LRMDA: variants seen among roughly 807,000 people sequenced by gnomAD.
The protein encoded by LRMDA is leucine rich melanocyte differentiation associated, also known as leucine-rich melanocyte differentiation-associated protein.
LRMDA carries 18 observed loss-of-function variants against 29.8 expected under a neutral mutation model. The ratio of observed to expected loss-of-function variants is 0.60; its 90% CI spans 0.42 to 0.90. LRMDA has a LOEUF of 0.90. Among genes scored for constraint, LRMDA ranks in the 40% least tolerant of loss-of-function variants. The pLI is 0.00. For synonymous variants in LRMDA, 125 were observed against 109.4 expected (o/e 1.14, Z -0.89); for missense variants, 273 against 273.9 (o/e 1.00, Z 0.02).
At chr10:75,902,157 C>G (rs1845685228) in intron 2 of LRMDA, among the ~76,000 whole-genome samples, 1 of 152,214 alleles carries the variant, frequency 6.6e-6, no homozygotes, top group South Asian at 2.1e-4. Flanking sequence ...GGTCTACCCA[C>G]CAATGGCTGC....
intron 6 of LRMDA, among the ~76,000 whole-genome samples, chr10:76,454,135 G>A (rs1171445109): frequency 6.6e-6 from 1 of 152,158 alleles, no homozygotes; most frequent in Non-Finnish European, 1.5e-5. Context: ...CTCACATGTA[G>A]TATGAAGCTA....
chr10:76,155,360 T>C (rs2132170516), intron 5 of LRMDA, among the ~76,000 whole-genome samples: 1 of 145,792 alleles, frequency 6.9e-6, no homozygotes, highest in Middle Eastern at 3.5e-3. Context: ...CTGAAATCTC[T>C]GTCACTCTTC....
intron 2 of LRMDA, among the ~76,000 whole-genome samples, chr10:75,980,426 G>T (rs776451711): frequency 3.5e-4 from 54 of 152,330 alleles, no homozygotes; most frequent in Non-Finnish European, 6.5e-4. Flanking sequence ...CTTCGGATAT[G>T]CAGGGAATGG....
At chr10:76,223,066 C>G (rs938291809) in intron 5 of LRMDA, among the ~76,000 whole-genome samples, 1 of 149,632 alleles carries the variant, frequency 6.7e-6, no homozygotes, top group African/African-American at 2.5e-5. Context: ...AATTGAACAA[C>G]GAGAACACAT....
chr10:76,430,379 T>C (rs2132282458), intron 6 of LRMDA, among the ~76,000 whole-genome samples: 1 of 152,338 alleles, frequency 6.6e-6, no homozygotes, highest in African/African-American at 2.4e-5. Context: ...CATCTTTTGT[T>C]GGCAGAGGGG....
At chr10:76,442,445 G>C (rs201395432) in intron 6 of LRMDA, among the ~76,000 whole-genome samples, 2 of 152,276 alleles carry the variant, frequency 1.3e-5, no homozygotes, top group Non-Finnish European at 2.9e-5. Context: ...TAATCCTAGC[G>C]CTTTGGGAGG....
At chr10:75,920,048 T>G (rs902552003) in intron 2 of LRMDA, among the ~76,000 whole-genome samples, 1 of 152,234 alleles carries the variant, frequency 6.6e-6, no homozygotes, top group Non-Finnish European at 1.5e-5. Flanking sequence ...TTTTTCAGTT[T>G]TCTTCTGCAG....
At position 76,100,641 on chromosome 10, in the gene LRMDA, A is replaced by C. The variant is rs543805047; in HGVS notation, c.516+41858A>C. Among the ~76,000 whole-genome samples, 8 of 152,334 alleles carry C rather than the reference A, an allele frequency of 5.3e-5. No individual in the cohort carries two copies. In the East Asian group the frequency reaches 1.5e-3, roughly 29 times the overall value. The stretch of plus-strand genomic sequence containing the variant: ...CTAGGATCACTTACTGTTCTTCTGC[A>C]GGGGTTGAAGTCTTTCATTCTTTAA... On this transcript the variant is annotated intron_variant, in intron 5 of 6. Transcript: ENST00000611255.
At chr10:76,010,055 G>C (rs1187175829) in intron 2 of LRMDA, among the ~76,000 whole-genome samples, 1 of 152,118 alleles carries the variant, frequency 6.6e-6, no homozygotes, top group Admixed American at 6.6e-5. Context: ...TAGCAGCCAA[G>C]TTCCCTCCCC....
chr10:76,407,067 C>T (rs1873464), intron 6 of LRMDA, among the ~76,000 whole-genome samples: 17,222 of 152,046 alleles, frequency 0.11, 1,179 homozygotes, highest in East Asian at 0.2. Context: ...CCTCAAAAAG[C>T]TCATATGCAC....
chr10:75,562,530 T>C (rs1840312198), intron 2 of LRMDA, among the ~76,000 whole-genome samples: 1 of 152,166 alleles, frequency 6.6e-6, no homozygotes, highest in African/African-American at 2.4e-5. Context: ...TCCATTTACA[T>C]TTAAAGTTAA....
At chr10:76,226,004 G>T (rs898872169) in intron 5 of LRMDA, among the ~76,000 whole-genome samples, 1 of 150,992 alleles carries the variant, frequency 6.6e-6, no homozygotes, top group Non-Finnish European at 1.5e-5. Flanking sequence ...GCGATACTTT[G>T]CTGAGAATGA....
chr10:75,610,506 T>C (rs79208431), intron 2 of LRMDA, among the ~76,000 whole-genome samples: 7 of 151,874 alleles, frequency 4.6e-5, no homozygotes, highest in Non-Finnish European at 7.4e-5. Flanking sequence ...ACACCACACA[T>C]ACACTCATGT....
intron 6 of LRMDA, among the ~76,000 whole-genome samples, chr10:76,423,224 G>A (rs1255923794): frequency 6.6e-6 from 1 of 152,044 alleles, no homozygotes; most frequent in Admixed American, 6.6e-5. Flanking sequence ...GCAAAACCCT[G>A]CCTCTACAAA....
chr10:75,434,798 G>A (rs1198751739), intron 1 of LRMDA, among the ~76,000 whole-genome samples: 1 of 152,194 alleles, frequency 6.6e-6, no homozygotes, highest in African/African-American at 2.4e-5. Context: ...CTGGCTAGGG[G>A]TAGGCATCAA....
chr10:75,569,442 A>G (rs1840410965), intron 2 of LRMDA, among the ~76,000 whole-genome samples: 1 of 152,208 alleles, frequency 6.6e-6, no homozygotes, highest in Non-Finnish European at 1.5e-5. Context: ...TAGCTTTGTT[A>G]TAAAAGAAAA....
intron 2 of LRMDA, among the ~76,000 whole-genome samples, chr10:75,642,094 T>C (rs1323088663): frequency 6.6e-6 from 1 of 152,156 alleles, no homozygotes; most frequent in Admixed American, 6.5e-5. Flanking sequence ...TTCTGTTGGC[T>C]GAGAAGGGGG....
At position 76,170,329 on chromosome 10, in the gene LRMDA, A is replaced by G. The variant is rs367841736; in HGVS notation, c.516+111546A>G. On this transcript the variant is annotated intron_variant, in intron 5 of 6. Coordinates refer to ENST00000611255, the MANE Select transcript of LRMDA (RefSeq NM_001305581.2). Reference sequence around the variant, plus strand: ...ATGTCTTTAAGATATAACCATAGGTATATGGTGAAGTCTGTGCCAGAGATT... The same window carrying G: ...ATGTCTTTAAGATATAACCATAGGTGTATGGTGAAGTCTGTGCCAGAGATT... Among the ~76,000 whole-genome samples the G allele has an allele frequency of 3.3e-5, 5 of 152,342 alleles. 1 individual carries two copies. The highest frequency in any genetic ancestry group is 1.9e-4 in the East Asian group (1 of 5,188).
chr10:75,720,182 G>A (rs918539453), intron 2 of LRMDA, among the ~76,000 whole-genome samples: 3 of 152,112 alleles, frequency 2.0e-5, no homozygotes, highest in Non-Finnish European at 4.4e-5. Flanking sequence ...AGAATCCTGA[G>A]ACGGCACATC....
Sources: gnomAD v4.1 joint callset for allele counts (sites outside exome capture counted in the v4.1 genomes callset) on GRCh38, gnomAD v4.1.1 for gene constraint, MANE v1.5 for transcripts, NCBI Gene and HGNC (gene_info 2026-07-23, HGNC 2026-07-21) for gene names.